PPEF2: variants seen among roughly 807,000 people sequenced by gnomAD.
The protein encoded by PPEF2 is protein phosphatase with EF-hand domain 2.
Under a neutral mutation model 84.7 loss-of-function variants are expected in PPEF2, and 84 were observed. The observed-to-expected ratio is 0.99, with a 90% confidence interval of 0.83 to 1.19. PPEF2 has a LOEUF of 1.19. Ranked by LOEUF, PPEF2 falls within the 50% of genes most tolerant of loss-of-function variation. The pLI, the probability that PPEF2 is intolerant of heterozygous loss-of-function variation, is 0.00. For missense variants in PPEF2, 924 were observed against 937.5 expected (o/e 0.99, Z 0.19); for synonymous variants, 346 against 345.2 (o/e 1.00, Z -0.03).
rs1724298002 is a variant in PPEF2, at chr4:75,872,158, T to C, written c.1516A>G (p.Ile506Val). The C allele has an allele frequency of 1.2e-6, 2 of 1,613,308 alleles. No individual in the cohort carries two copies. The highest frequency in any genetic ancestry group is 1.7e-6 in the Non-Finnish European group (2 of 1,179,818). ...TCATAGTAGTTGGAGGCAGAAAAGA[T>C]TGTTAATACCTACATCAAAACAGAA... ...EFCHNRKVLT[I>V]FSASNYYEVG... The change falls in exon 13 of 17, where the codon ATC becomes GTC. Residue 506 changes from isoleucine (I) to valine (V), a missense_variant. Ile to Val is a conservative substitution (Grantham distance 29, BLOSUM62 3). Transcript: ENST00000286719.
chr4:75,896,554 C>T lies in PPEF2; in HGVS notation c.-58-171G>A, dbSNP rs567164007. 1,236 of 591,578 alleles carry T rather than the reference C, an allele frequency of 2.1e-3. 19 individuals are homozygous for T. Among genetic ancestry groups the T allele is most frequent in the South Asian group, 0.021 (1,015 of 48,914 alleles). The allele number at this position is 591,578 out of a possible 1,614,324, so 36.6% of individuals were successfully genotyped here. ...TCCATTTGTCATTCCCTAGGTCTCC[C>T]GTTTTCAACCTTTCCACTGCCTTTT... On this transcript the variant is annotated intron_variant, in intron 1 of 16. Coordinates refer to ENST00000286719, the MANE Select transcript of PPEF2 (RefSeq NM_006239.3).
chr4:75,868,315 C>CAAAAAAAAAAAAAAA (rs10646136), intron 13 of PPEF2, among the ~76,000 whole-genome samples: 1 of 55,708 alleles, frequency 1.8e-5, no homozygotes, highest in Non-Finnish European at 3.1e-5. Flanking sequence ...GACCCTGTCT[C>CAAAAAAAAAAAAAAA]AAAAAAAAAA....
chr4:75,891,388 T>C (rs1456307200), intron 4 of PPEF2, among the ~76,000 whole-genome samples: 1 of 152,142 alleles, frequency 6.6e-6, no homozygotes, highest in African/African-American at 2.4e-5. Flanking sequence ...ATTCCTTTCC[T>C]GAATCCCTTC....
chr4:75,884,538 C>A, intron 8 of PPEF2, 56 bp downstream of exon 8: 1 of 1,470,382 alleles, frequency 6.8e-7, no homozygotes. Flanking sequence ...GGAGAAATAA[C>A]ATTTTACAAT....
rs139979412 is a variant in PPEF2 at position 75,873,297 on chromosome 4, A to AC, written c.1335dup (p.Trp446ValfsTer3). ...CCCTCTTGAGCCATGGGATCACTCC[A>AC]CAGGATATCTACAACCTGAGAAGAC... On this transcript the variant is annotated frameshift_variant, in exon 12 of 17. Transcript: ENST00000286719. LOFTEE classifies it high-confidence loss of function. 2.5e-3 allele frequency: 4,078 copies of AC among 1,613,548 alleles called. 104 individuals are homozygous for AC. The African/African-American group carries it at 0.047, about 19-fold the overall frequency.
chr4:75,884,404 C>A (rs1037530820), intron 8 of PPEF2, among the ~76,000 whole-genome samples, 190 bp downstream of exon 8: 12 of 144,712 alleles, frequency 8.3e-5, no homozygotes, highest in African/African-American at 2.5e-4. Context: ...CTAGCCTAGG[C>A]GACCGAGTGA....
In PPEF2 at chr4:75,873,161, T is replaced by C. The variant is rs201252570; in HGVS notation, c.1472A>G (p.Lys491Arg). 4.3e-6 allele frequency: 7 copies of C among 1,614,214 alleles called. No homozygotes were observed. The highest frequency in any genetic ancestry group is 5.1e-6 in the Non-Finnish European group (6 of 1,180,022). Residue 491 changes from lysine (K) to arginine (R), a missense_variant, in exon 12 of 17, where the codon AAA becomes AGA. Lys to Arg is a conservative substitution (Grantham distance 26). Transcript: ENST00000286719. ...MQFLIRSHEC[K>R]PEGYEFCHNR... ...GTGACAGAATTCATAGCCTTCAGGTTTGCATTCATGTGAACGGATCAGGAA... is the reference window on the plus strand; with the variant it reads ...GTGACAGAATTCATAGCCTTCAGGTCTGCATTCATGTGAACGGATCAGGAA...
rs1332694857 is a variant in PPEF2, at chr4:75,876,528, C to T, written c.1079G>A (p.Arg360Gln). 3 of 1,613,988 alleles carry T rather than the reference C, an allele frequency of 1.9e-6. No individual in the cohort carries two copies. The highest frequency in any genetic ancestry group is 1.7e-6 in the Non-Finnish European group (2 of 1,179,986). Residue 360 changes from arginine (R) to glutamine (Q), a missense_variant, in exon 11 of 17, where the codon CGG (arginine) becomes CAG (glutamine). Transcript: ENST00000286719. Reference sequence around the variant, plus strand: ...TTTCTGGGCCTTGTAGGAGCCAAGCCGAAGGGGCGAAGAGGGAAGAGAGCG... The same window carrying T: ...TTTCTGGGCCTTGTAGGAGCCAAGCTGAAGGGGCGAAGAGGGAAGAGAGCG... Reference protein sequence around the residue: ...ESRSLPSSPLRLGSYKAQKTS... With the variant: ...ESRSLPSSPLQLGSYKAQKTS...
intron 8 of PPEF2, chr4:75,883,440 T>A (rs1305512781): frequency 3.7e-6 from 2 of 544,400 alleles, no homozygotes; most frequent in Non-Finnish European, 3.2e-6. Flanking sequence ...CTATCATGAA[T>A]CTCTATTATT....
rs146926619 is a variant in PPEF2, at chr4:75,870,325, A to G, written c.1649+1700T>C. On this transcript the variant is annotated intron_variant, in intron 13 of 16. Coordinates refer to ENST00000286719, the MANE Select transcript of PPEF2 (RefSeq NM_006239.3). ...AAGCTCCAAGATGATTTTGCTGCAC[A>G]GTAGGTCTGACATTCACTTGGTAGG... Among the ~76,000 whole-genome samples the G allele has an allele frequency of 5.5e-4, 84 of 152,308 alleles. 1 individual carries two copies. The East Asian group carries it at 0.016, about 29-fold the overall frequency.
In PPEF2 at chr4:75,864,442, G is replaced by T; in HGVS notation, c.2006C>A (p.Ser669Ter). Residue 669 changes from serine to a stop codon, truncating the protein, a stop_gained and splice_region_variant, in exon 16 of 17, where the codon TCA (serine) becomes TAA (stop). Coordinates refer to ENST00000286719, the MANE Select transcript of PPEF2 (RefSeq NM_006239.3). LOFTEE classifies it low-confidence loss of function (END_TRUNC). ...GATAGAATAATGAGTGCCTTTACCT[G>T]AATGATCACTGTCTATGATCCTAAA... is the stretch of plus-strand genomic sequence containing the variant. ...TIFRIIDSDH[S>*]GFISLDEFRQ... 1 of 1,596,642 alleles carries T rather than the reference G, an allele frequency of 6.3e-7. No individual in the cohort carries two copies.
intron 10 of PPEF2, among the ~76,000 whole-genome samples, chr4:75,880,477 GT>G (rs1360298020): frequency 6.6e-6 from 1 of 152,186 alleles, no homozygotes; most frequent in Non-Finnish European, 1.5e-5. Context: ...TGGGAAGTTA[GT>G]TTTTTGCTAA....
At chr4:75,871,876 C>T (rs1454360043) in intron 13 of PPEF2, 149 bp downstream of exon 13, 6 of 753,034 alleles carry the variant, frequency 8.0e-6, no homozygotes, top group Non-Finnish European at 1.2e-5. Flanking sequence ...ACTCTAATGT[C>T]TATTGTATTA....
At position 75,876,375 on chromosome 4, in the gene PPEF2, C is replaced by T. The variant is rs1461747073; in HGVS notation, c.1232G>A (p.Gly411Glu). The T allele has an allele frequency of 1.9e-6, 3 of 1,614,140 alleles. No individual in the cohort carries two copies. Among genetic ancestry groups the T allele is most frequent in the South Asian group, 1.1e-5 (1 of 91,078 alleles). Residue 411 changes from glycine to glutamate, a missense_variant, in exon 11 of 17, where the codon GGA becomes GAA. Gly to Glu is a moderately conservative substitution (Grantham distance 98). Coordinates refer to ENST00000286719, the MANE Select transcript of PPEF2 (RefSeq NM_006239.3). ...CRQQAGLLVT[G>E]EKEEPSRSAS... ...TGAGCGGGAGGGCTCCTCTTTCTCT[C>T]CGGTCACCAGGAGGCCTGCTTGCTG...
At chr4:75,892,821 C>T (rs1724921439) in intron 2 of PPEF2, among the ~76,000 whole-genome samples, 1 of 152,122 alleles carries the variant, frequency 6.6e-6, no homozygotes, top group Non-Finnish European at 1.5e-5. Flanking sequence ...AACAGCTGTC[C>T]ACATAACTAG....
intron 11 of PPEF2, among the ~76,000 whole-genome samples, chr4:75,873,792 G>C (rs1275206804): frequency 6.6e-6 from 1 of 151,410 alleles, no homozygotes; most frequent in Non-Finnish European, 1.5e-5. Context: ...AGTAGTTTAA[G>C]AATTTTTTTT....
At chr4:75,871,498 C>G (rs116785739) in intron 13 of PPEF2, among the ~76,000 whole-genome samples, 3 of 151,620 alleles carry the variant, frequency 2.0e-5, no homozygotes, top group Non-Finnish European at 4.4e-5. Context: ...TTTGAGACAG[C>G]CTTGCTCTGT....
At chr4:75,884,563 A>G (rs751543316) in intron 8 of PPEF2, 31 bp downstream of exon 8, 2 of 1,532,982 alleles carry the variant, frequency 1.3e-6, no homozygotes, top group South Asian at 2.5e-5. Context: ...ACAAACAAAC[A>G]TCAAATACTC....
chr4:75,866,565 C>T lies in PPEF2; in HGVS notation c.1757-213G>A. 6.1e-6 allele frequency: 4 copies of T among 659,174 alleles called. No individual in the cohort carries two copies. The South Asian group carries it at 6.4e-5, about 11-fold the overall frequency. The allele number at this position is 659,174 out of a possible 1,614,324, so 40.8% of individuals were successfully genotyped here. A position where few individuals can be genotyped will look rare whatever the true frequency, so the allele number is the denominator to read the frequency against. On this transcript the variant is annotated intron_variant, in intron 14 of 16. Coordinates refer to ENST00000286719, the MANE Select transcript of PPEF2 (RefSeq NM_006239.3). ...TGTCCAGTTAAATTTTAATTGAAGA[C>T]AGACAGTAAAGTATATAAAAGTGCC...
Sources: allele counts gnomAD v4.1 joint callset (sites outside exome capture counted in the v4.1 genomes callset), GRCh38; gene constraint gnomAD v4.1.1; transcripts MANE v1.5; gene names NCBI Gene and HGNC (gene_info 2026-07-23, HGNC 2026-07-21).